PIN4: variants seen among roughly 807,000 people sequenced by gnomAD.
PIN4 encodes peptidylprolyl cis/trans isomerase, NIMA-interacting 4.
A neutral mutation model predicts 8.3 loss-of-function variants in PIN4; 3 were observed. The observed-to-expected ratio is 0.36, with a 90% CI of 0.16 to 0.93. PIN4 has a LOEUF of 0.93. Among genes scored for constraint, PIN4 ranks in the 40% least tolerant of loss-of-function variants. The pLI is 0.44. For missense variants in PIN4, 75 were observed against 100.6 expected, an observed-to-expected ratio of 0.75 and a Z score of 1.09; for synonymous variants, 18 against 32.5, an observed-to-expected ratio of 0.55 and a Z score of 1.52.
At chrX:72,182,966 T>G (rs1185201350) in intron 1 of PIN4, among the ~76,000 whole-genome samples, 1 of 111,728 alleles carries the variant, frequency 9.0e-6, no homozygotes, top group African/African-American at 3.3e-5. Flanking sequence ...GTAAGGAGAT[T>G]GTTGTGGTAG....
intron 3 of PIN4, chrX:72,205,258 TGA>T: frequency 8.3e-7 from 1 of 1,212,011 alleles, no homozygotes; most frequent in Non-Finnish European, 1.1e-6. Context: ...AGAGGTCTCT[TGA>T]GCTAGAGCAC....
Position 72,197,907 on chromosome X carries a change from A to G in PIN4, c.*381A>G. ...CACAACTGAAAATATTGGGCATCAA[A>G]TAGATTAGTGTGTGAGAATCATAAA... On this transcript the variant is annotated 3_prime_UTR_variant, in exon 4 of 4. Transcript: ENST00000373669. 7 of 754,647 alleles carry G rather than the reference A, an allele frequency of 9.3e-6. No homozygotes were observed. Among genetic ancestry groups the G allele is most frequent in the Non-Finnish European group, 9.4e-6 (6 of 635,120 alleles). The allele number at this position is 754,647 out of a possible 1,213,427, so 62.2% of individuals were successfully genotyped here. A position where few individuals can be genotyped will look rare whatever the true frequency, so the allele number is the denominator to read the frequency against.
intron 2 of PIN4, among the ~76,000 whole-genome samples, chrX:72,195,671 GT>G (rs199696854): frequency 1.8e-5 from 2 of 110,765 alleles, no homozygotes; most frequent in African/African-American, 3.3e-5. Context: ...TTTCTAGCAG[GT>G]TTTTTCTTAT....
chrX:72,202,974 G>C (rs2042796214), downstream of PIN4, among the ~76,000 whole-genome samples: 1 of 111,814 alleles, frequency 8.9e-6, no homozygotes, highest in Admixed American at 9.5e-5. Flanking sequence ...GAGGCCCCTA[G>C]TAGCTTCAGG....
chrX:72,189,663 T>C, intron 2 of PIN4, among the ~76,000 whole-genome samples: 1 of 112,010 alleles, frequency 8.9e-6, no homozygotes, highest in Non-Finnish European at 1.9e-5. Flanking sequence ...ATGCTCATTA[T>C]AGCATTTCAG....
At position 72,234,068 on chromosome X, in the gene PIN4, C is replaced by T. The variant is rs185348212; in HGVS notation, c.313-28639C>T. On this transcript the variant is annotated intron_variant, in intron 3 of 3. Transcript: ENST00000423432. Reference sequence around the variant, plus strand: ...GAGGTTGCAGTGAGCTGAGATTGCGCCACTGCACTCCAGCCTGGGCAACAG... The same window carrying T: ...GAGGTTGCAGTGAGCTGAGATTGCGTCACTGCACTCCAGCCTGGGCAACAG... Among the ~76,000 whole-genome samples the T allele has an allele frequency of 3.1e-4, 34 of 110,133 alleles. No individual in the cohort carries two copies. The East Asian group carries it at 9.1e-3, about 29-fold the overall frequency.
chrX:72,199,332 T>C (rs1433996730), downstream of PIN4, among the ~76,000 whole-genome samples: 2 of 111,110 alleles, frequency 1.8e-5, no homozygotes, highest in African/African-American at 6.6e-5. Context: ...GTCAGGAATT[T>C]AAGAAGACCA....
chrX:72,260,873 T>C (rs1420095145), intron 3 of PIN4, among the ~76,000 whole-genome samples: 1 of 112,082 alleles, frequency 8.9e-6, no homozygotes, highest in Admixed American at 9.5e-5. Flanking sequence ...TCCCCATGGC[T>C]GTCTCTCTAG....
chrX:72,248,318 A>G (rs1463941850), intron 3 of PIN4, among the ~76,000 whole-genome samples: 848 of 48,556 alleles, frequency 0.017, 19 homozygotes, highest in African/African-American at 0.1. Context: ...AAAAAAAAAA[A>G]AAAAAAAAAA....
intron 3 of PIN4, among the ~76,000 whole-genome samples, chrX:72,242,635 C>T (rs760427452): frequency 2.7e-5 from 3 of 112,622 alleles, no homozygotes; most frequent in African/African-American, 9.7e-5. Context: ...CACTTTACAT[C>T]GATTAATTAT....
intron 3 of PIN4, among the ~76,000 whole-genome samples, chrX:72,228,628 A>G (rs2042966372): frequency 9.0e-6 from 1 of 111,564 alleles, no homozygotes; most frequent in East Asian, 2.8e-4. Context: ...CTTCAGCGGT[A>G]CCCTTACGAA....
chrX:72,210,001 A>G (rs779043875), intron 3 of PIN4, among the ~76,000 whole-genome samples: 1 of 109,167 alleles, frequency 9.2e-6, no homozygotes, highest in Non-Finnish European at 1.9e-5. Flanking sequence ...TAGGTGTAAA[A>G]ATCTTCATGA....
At chrX:72,189,079 TGTTTGAGCCCAGGA>T (rs1298657844) in intron 2 of PIN4, among the ~76,000 whole-genome samples, 1 of 111,416 alleles carries the variant, frequency 9.0e-6, no homozygotes, top group Non-Finnish European at 1.9e-5. Context: ...GTAGGAGGAT[TGTTTGAGCCCAGGA>T]GTTTGAGGCG....
At chrX:72,182,073 T>C in intron 1 of PIN4, 2 of 402,982 alleles carry the variant, frequency 5.0e-6, no homozygotes, top group Non-Finnish European at 4.5e-6. Context: ...CAAGGGGTTA[T>C]TAGAGCTCTA....
intron 3 of PIN4, among the ~76,000 whole-genome samples, chrX:72,259,475 C>T (rs2043128361): frequency 9.0e-6 from 1 of 110,568 alleles, no homozygotes; most frequent in Non-Finnish European, 1.9e-5. Flanking sequence ...CAGCCTCGGC[C>T]TCCCAAAGTG....
intron 3 of PIN4, among the ~76,000 whole-genome samples, chrX:72,258,882 C>T (rs993137779): frequency 1.8e-5 from 2 of 111,109 alleles, no homozygotes; most frequent in Non-Finnish European, 3.8e-5. Context: ...ACTACCATTA[C>T]GTGATTCAAA....
intron 3 of PIN4, chrX:72,206,728 C>T: frequency 8.3e-7 from 1 of 1,211,310 alleles, no homozygotes; most frequent in Non-Finnish European, 1.1e-6. Flanking sequence ...AGACAGATCA[C>T]ATGTGTACAT....
rs1194077779 is a variant in PIN4, at chrX:72,207,935, A to C, written c.312+11031A>C. The C allele has an allele frequency of 3.3e-6, 4 of 1,209,795 alleles. No homozygotes were observed. In the South Asian group the frequency reaches 5.3e-5, roughly 16 times the overall value. ...AAAGTTTTTAATGTTCCCAGCAGGGACCCTTGACAAGCAAAATCAAATAGG... is the reference window on the plus strand; with the variant it reads ...AAAGTTTTTAATGTTCCCAGCAGGGCCCCTTGACAAGCAAAATCAAATAGG... On this transcript the variant is annotated intron_variant, in intron 3 of 3. Transcript: ENST00000423432.
At chrX:72,233,490 G>A (rs1167284103) in intron 3 of PIN4, among the ~76,000 whole-genome samples, 2 of 111,077 alleles carry the variant, frequency 1.8e-5, no homozygotes, top group Admixed American at 9.6e-5. Context: ...TTGGGAGGCC[G>A]AGGCAGGCGA....
Sources: allele counts gnomAD v4.1 joint callset (sites outside exome capture counted in the v4.1 genomes callset), GRCh38; gene constraint gnomAD v4.1.1; transcripts MANE v1.5; gene names NCBI Gene and HGNC (gene_info 2026-07-23, HGNC 2026-07-21).